TLCD4: variants seen among roughly 807,000 people sequenced by gnomAD.
TLCD4 encodes TLC domain containing 4.
TLCD4 carries 7 observed loss-of-function variants against 24.2 expected under a neutral mutation model. The ratio of observed to expected loss-of-function variants is 0.29; its 90% CI spans 0.16 to 0.54. TLCD4 has a LOEUF of 0.54. TLCD4 is among the 20% of genes least tolerant of loss of function. The pLI, the probability that TLCD4 is intolerant of heterozygous loss-of-function variation, is 0.95. For synonymous variants in TLCD4, 103 were observed against 106.4 expected (o/e 0.97, Z 0.20); for missense variants, 259 against 313.9 (o/e 0.82, Z 1.32).
chr1:95,152,796 A>G (rs1267378951), intron 5 of TLCD4, among the ~76,000 whole-genome samples: 1 of 152,106 alleles, frequency 6.6e-6, no homozygotes, highest in Non-Finnish European at 1.5e-5. Context: ...CTAATTATCA[A>G]ATAAACCTGA....
At chr1:95,103,638 A>G in the TLCD4 span, among the ~76,000 whole-genome samples, 1 of 152,258 alleles carries the variant, frequency 6.6e-6, no homozygotes, top group Non-Finnish European at 1.5e-5. Context: ...TAAATTATTT[A>G]GGAGACATGA....
chr1:95,119,568 G>A (rs1676515300), intron 1 of TLCD4, among the ~76,000 whole-genome samples: 1 of 152,158 alleles, frequency 6.6e-6, no homozygotes, highest in Non-Finnish European at 1.5e-5. Flanking sequence ...CAGCTTCTAG[G>A]CAGGTTTGGG....
At chr1:95,136,688 A>T (rs1279255921) in intron 1 of TLCD4, among the ~76,000 whole-genome samples, 2 of 152,164 alleles carry the variant, frequency 1.3e-5, no homozygotes, top group Non-Finnish European at 2.9e-5. Context: ...GGTATTTTTC[A>T]TAAGGCTATC....
chr1:95,167,363 G>A (rs575129361), intron 5 of TLCD4, among the ~76,000 whole-genome samples: 13 of 152,094 alleles, frequency 8.5e-5, no homozygotes, highest in Non-Finnish European at 1.9e-4. Context: ...TGCTCAAATA[G>A]AGGAAGTTTT....
intron 5 of TLCD4, among the ~76,000 whole-genome samples, chr1:95,155,076 G>A (rs1174534740): frequency 2.0e-5 from 3 of 151,408 alleles, no homozygotes; most frequent in Non-Finnish European, 4.4e-5. Flanking sequence ...TTCTGTCCAG[G>A]CCTTTGGTGG....
intron 6 of TLCD4, among the ~76,000 whole-genome samples, chr1:95,190,203 A>T (rs1315966381): frequency 6.6e-6 from 1 of 151,890 alleles, no homozygotes; most frequent in East Asian, 1.9e-4. Context: ...TCCCAGGTTC[A>T]AGAGATTCTC....
chr1:95,145,058 A>G (rs1677308876), intron 2 of TLCD4, among the ~76,000 whole-genome samples: 1 of 152,194 alleles, frequency 6.6e-6, no homozygotes, highest in African/African-American at 2.4e-5. Context: ...AAGATTTCAA[A>G]CACAAAATGG....
At chr1:95,102,188 G>C in the TLCD4 span, among the ~76,000 whole-genome samples, 15 of 152,154 alleles carry the variant, frequency 9.9e-5, no homozygotes, top group Admixed American at 2.0e-4. Flanking sequence ...ATAACCAATG[G>C]ATATTTATTG....
chr1:95,095,591 G>T, the TLCD4 span, among the ~76,000 whole-genome samples: 3 of 152,018 alleles, frequency 2.0e-5, no homozygotes, highest in African/African-American at 4.8e-5. Context: ...TAGAGACAGG[G>T]TTTCACCGTG....
At chr1:95,113,805 A>G (rs1378873418), upstream of TLCD4, among the ~76,000 whole-genome samples, 1 of 152,140 alleles carries the variant, frequency 6.6e-6, no homozygotes, top group African/African-American at 2.4e-5. Context: ...AGTCTCAGCT[A>G]TTTAAGAGGC....
At chr1:95,131,733 G>A (rs936285201) in intron 1 of TLCD4, among the ~76,000 whole-genome samples, 11 of 152,196 alleles carry the variant, frequency 7.2e-5, no homozygotes, top group Non-Finnish European at 1.2e-4. Flanking sequence ...CAGAAAGCAG[G>A]TTATCAAGGG....
At chr1:95,149,065 G>A (rs1377980520) in intron 3 of TLCD4, among the ~76,000 whole-genome samples, 1 of 152,180 alleles carries the variant, frequency 6.6e-6, no homozygotes, top group Admixed American at 6.5e-5. Flanking sequence ...AATGAGTAAA[G>A]CCAAGTTATT....
chr1:95,173,921 G>A (rs554661351), intron 6 of TLCD4, 32 bp downstream of exon 6: 2 of 1,612,538 alleles, frequency 1.2e-6, no homozygotes, highest in African/African-American at 2.7e-5. Flanking sequence ...TTATTTTAAA[G>A]TCATGCTGTT....
chr1:95,165,138 C>T (rs924588088), intron 5 of TLCD4: 1 of 152,212 alleles, frequency 6.6e-6, no homozygotes, highest in African/African-American at 2.4e-5. Flanking sequence ...TTCCTCAATC[C>T]CATGTCTTTG....
At chr1:95,114,533 A>G (rs1390739254), upstream of TLCD4, among the ~76,000 whole-genome samples, 1 of 152,196 alleles carries the variant, frequency 6.6e-6, no homozygotes, top group East Asian at 1.9e-4. Context: ...AGGAAAACTT[A>G]CTTCATTTAA....
chr1:95,105,504 A>T, the TLCD4 span, among the ~76,000 whole-genome samples: 1 of 152,188 alleles, frequency 6.6e-6, no homozygotes, highest in Admixed American at 6.5e-5. Flanking sequence ...TTGTCCAGAA[A>T]AGCTGGATTT....
rs1679057333 is a variant in TLCD4 at position 95,192,411 on chromosome 1, A to G, written c.*543A>G. On this transcript the variant is annotated 3_prime_UTR_variant, in exon 7 of 7. Transcript: ENST00000370203. ...GCATGGATAAAAATCTTAAAGGTTT[A>G]AATAAAAATGATCAATATAATGGTG... 3 of 152,522 alleles carry G rather than the reference A, an allele frequency of 2.0e-5. No homozygotes were observed. The highest frequency in any genetic ancestry group is 6.5e-5 in the Admixed American group (1 of 15,300). 9.4% of individuals were successfully genotyped at this position (152,522 alleles called of 1,614,324 possible). A position where few individuals can be genotyped will look rare whatever the true frequency, so the allele number is the denominator to read the frequency against.
chr1:95,115,305 T>C (rs914372773), upstream of TLCD4, among the ~76,000 whole-genome samples: 3 of 151,950 alleles, frequency 2.0e-5, no homozygotes, highest in Non-Finnish European at 2.9e-5. Flanking sequence ...ACAGGGTTTC[T>C]CCATGTTGGT....
intron 6 of TLCD4, among the ~76,000 whole-genome samples, chr1:95,185,464 G>A (rs1450534992): frequency 2.0e-5 from 3 of 152,168 alleles, no homozygotes; most frequent in Admixed American, 6.5e-5. Context: ...AACTGTATGA[G>A]TCCACTGACA....
Sources: allele counts gnomAD v4.1 joint callset (sites outside exome capture counted in the v4.1 genomes callset), GRCh38; gene constraint gnomAD v4.1.1; transcripts MANE v1.5; gene names NCBI Gene and HGNC (gene_info 2026-07-23, HGNC 2026-07-21).